Variants in CADM2 observed in about 807,000 individuals in gnomAD.
The protein encoded by CADM2 is cell adhesion molecule 2, also known as immunoglobulin superfamily member 4D.
CADM2 carries 12 observed loss-of-function variants against 49.8 expected under a neutral mutation model. The ratio of observed to expected loss-of-function variants is 0.24; its 90% confidence interval spans 0.15 to 0.39. CADM2 has a LOEUF of 0.39. Among genes scored for constraint, CADM2 ranks in the 10% least tolerant of loss-of-function variants. The pLI, the probability that CADM2 is intolerant of heterozygous loss-of-function variation, is 1.00. For missense variants in CADM2, 378 were observed against 492.3 expected (o/e 0.77, Z 2.20); for synonymous variants, 214 against 175.4 (o/e 1.22, Z -1.74).
chr3:85,039,409 G>A (rs1327940386), intron 1 of CADM2, among the ~76,000 whole-genome samples: 1 of 150,418 alleles, frequency 6.6e-6, no homozygotes, highest in Non-Finnish European at 1.5e-5. Context: ...TTAGTGAGAA[G>A]AGTCTAAGTA....
chr3:85,732,026 T>C (rs1245565069), intron 2 of CADM2, among the ~76,000 whole-genome samples: 1 of 146,498 alleles, frequency 6.8e-6, no homozygotes, highest in East Asian at 2.0e-4. Flanking sequence ...GGCAAGTGGA[T>C]CACTTGAGGT....
intron 1 of CADM2, among the ~76,000 whole-genome samples, chr3:85,285,190 C>A (rs1221032433): frequency 2.6e-5 from 4 of 152,130 alleles, no homozygotes; most frequent in Admixed American, 1.3e-4. Context: ...GTTTGAGATG[C>A]CTATTCCACA....
rs1445722661 is a variant in CADM2, at chr3:85,955,911, T to C, written c.792-5558T>C. 2.0e-5 allele frequency among the ~76,000 whole-genome samples: 3 copies of C among 151,690 alleles called. No homozygotes were observed. In the East Asian group the frequency reaches 5.8e-4, roughly 30 times the overall value. ...GTATAAACATATTTTGTCTCTCTTT[T>C]TACTTTTAACTTTTCTGTTGTTCTA... On this transcript the variant is annotated intron_variant, in intron 7 of 9. Coordinates refer to ENST00000383699, the MANE Select transcript of CADM2 (RefSeq NM_001167675.2).
At chr3:86,001,304 C>A (rs1471398534) in intron 8 of CADM2, among the ~76,000 whole-genome samples, 1 of 152,060 alleles carries the variant, frequency 6.6e-6, no homozygotes, top group East Asian at 1.9e-4. Context: ...ATCTGGAACT[C>A]AGATCAAATA....
At chr3:85,677,080 T>TTA (rs2065906711) in intron 1 of CADM2, among the ~76,000 whole-genome samples, 1 of 152,176 alleles carries the variant, frequency 6.6e-6, no homozygotes, top group African/African-American at 2.4e-5. Flanking sequence ...AAAATTAAAT[T>TTA]AGCTTTTCTC....
At chr3:85,737,672 C>T (rs2107814344) in intron 2 of CADM2, among the ~76,000 whole-genome samples, 1 of 151,744 alleles carries the variant, frequency 6.6e-6, no homozygotes, top group South Asian at 2.1e-4. Flanking sequence ...ATTCTCCTGC[C>T]TCAGCCTCCC....
intron 1 of CADM2, among the ~76,000 whole-genome samples, chr3:84,997,777 A>G (rs1438796630): frequency 6.6e-6 from 1 of 152,112 alleles, no homozygotes; most frequent in South Asian, 2.1e-4. Flanking sequence ...GTTATCCAAG[A>G]TAAGAATGAA....
intron 1 of CADM2, among the ~76,000 whole-genome samples, chr3:85,321,950 C>T (rs558412589): frequency 6.6e-6 from 1 of 152,248 alleles, no homozygotes; most frequent in East Asian, 1.9e-4. Flanking sequence ...TATTAGTTTG[C>T]AGAACTGAAA....
intron 1 of CADM2, among the ~76,000 whole-genome samples, chr3:85,680,187 G>T (rs1212959496): frequency 2.6e-5 from 4 of 151,840 alleles, no homozygotes; most frequent in African/African-American, 7.3e-5. Flanking sequence ...ATGAAGTTTA[G>T]GGAAGGTGTC....
intron 1 of CADM2, among the ~76,000 whole-genome samples, chr3:85,721,047 C>A (rs1285230652): frequency 6.6e-6 from 1 of 152,122 alleles, no homozygotes; most frequent in Non-Finnish European, 1.5e-5. Context: ...TGTTTTTTCT[C>A]TGTAAATTCA....
chr3:85,089,519 T>A (rs1055600684), intron 1 of CADM2, among the ~76,000 whole-genome samples: 2 of 152,182 alleles, frequency 1.3e-5, no homozygotes. Flanking sequence ...TCAACTGAAC[T>A]TTTGACTCAC....
intron 1 of CADM2, among the ~76,000 whole-genome samples, chr3:85,546,426 A>C (rs2061671488): frequency 6.6e-6 from 1 of 152,186 alleles, no homozygotes; most frequent in Non-Finnish European, 1.5e-5. Flanking sequence ...GCTGAAAGAC[A>C]CAGGAGGCTT....
chr3:85,336,916 T>A (rs932518299), intron 1 of CADM2, among the ~76,000 whole-genome samples: 2 of 141,452 alleles, frequency 1.4e-5, no homozygotes, highest in African/African-American at 2.6e-5. Context: ...ACAAAGTTAA[T>A]AGTTAAATAG....
chr3:85,415,001 C>T (rs760141606), intron 1 of CADM2, among the ~76,000 whole-genome samples: 3 of 152,036 alleles, frequency 2.0e-5, no homozygotes, highest in Admixed American at 6.5e-5. Flanking sequence ...TGGAAAGAAA[C>T]TTTTAAAGTG....
At chr3:85,435,524 A>G (rs1181945383) in intron 1 of CADM2, among the ~76,000 whole-genome samples, 1 of 152,170 alleles carries the variant, frequency 6.6e-6, no homozygotes, top group East Asian at 1.9e-4. Flanking sequence ...TCCTTTGGGT[A>G]TATACCCAGT....
chr3:85,161,624 A>G (rs1311280988), intron 1 of CADM2, among the ~76,000 whole-genome samples: 2 of 152,184 alleles, frequency 1.3e-5, no homozygotes, highest in Non-Finnish European at 2.9e-5. Context: ...GGATGTATTT[A>G]TCTGCTGAAA....
intron 1 of CADM2, among the ~76,000 whole-genome samples, chr3:85,216,079 A>G (rs912697630): frequency 3.9e-5 from 6 of 151,950 alleles, no homozygotes; most frequent in African/African-American, 1.5e-4. Flanking sequence ...TTGAAGGTGT[A>G]GTTTGGGGAT....
At chr3:85,747,382 A>G (rs998204840) in intron 2 of CADM2, among the ~76,000 whole-genome samples, 4 of 152,142 alleles carry the variant, frequency 2.6e-5, no homozygotes, top group African/African-American at 7.2e-5. Context: ...GTGACAAACA[A>G]TTTTCTACTT....
At chr3:85,761,654 C>T (rs896340098) in intron 2 of CADM2, among the ~76,000 whole-genome samples, 6 of 152,042 alleles carry the variant, frequency 3.9e-5, no homozygotes, top group South Asian at 4.1e-4. Flanking sequence ...GGATTACAGG[C>T]GTGAGCCACC....
Sources: gnomAD v4.1 joint callset for allele counts (sites outside exome capture counted in the v4.1 genomes callset) on GRCh38, gnomAD v4.1.1 for gene constraint, MANE v1.5 for transcripts, NCBI Gene and HGNC (gene_info 2026-07-23, HGNC 2026-07-21) for gene names.